Variants in CSMD1 observed in about 807,000 individuals in gnomAD.
CSMD1 encodes the protein CUB and sushi domain-containing protein 1.
In CSMD1, 213 loss-of-function variants were observed where a neutral mutation model predicts 417.5. The observed-to-expected ratio is 0.51, with a 90% CI of 0.46 to 0.57. The LOEUF is 0.57. CSMD1 is among the 20% of genes least tolerant of loss of function. The pLI is 0.00. For missense variants in CSMD1, 6,923 were observed against 4,529.7 expected, an observed-to-expected ratio of 1.53 and a Z score of -15.17; for synonymous variants, 2,862 against 1,736.8, an observed-to-expected ratio of 1.65 and a Z score of -16.11.
intron 5 of CSMD1, among the ~76,000 whole-genome samples, chr8:3,948,112 A>G (rs2129840991): frequency 6.6e-6 from 1 of 152,312 alleles, no homozygotes; most frequent in South Asian, 2.1e-4. Flanking sequence ...AGGATGAGGC[A>G]GGATAACTGC....
At chr8:3,581,056 C>A (rs564981797) in intron 9 of CSMD1, among the ~76,000 whole-genome samples, 1 of 152,256 alleles carries the variant, frequency 6.6e-6, no homozygotes, top group African/African-American at 2.4e-5. Flanking sequence ...TCTTAGAGGG[C>A]TTTTCATCTC....
In CSMD1 at chr8:3,000,080, T is replaced by C. The variant is rs1807265221; in HGVS notation, c.8081A>G (p.Asp2694Gly). Residue 2694 changes from aspartate to glycine, a missense_variant, in exon 53 of 70, where the codon GAT (aspartate) becomes GGT (glycine). Asp to Gly is a moderately conservative substitution (Grantham distance 94, BLOSUM62 -1). Coordinates refer to ENST00000635120, the MANE Select transcript of CSMD1 (RefSeq NM_033225.6). ...CACCGTGTCTCTGTAACTGAAGCCA[T>C]CTCCACTAATGTGACCGTTCACAAT... is the stretch of plus-strand genomic sequence containing the variant. The part of the protein sequence containing the change: ...DPIVNGHISG[D>G]GFSYRDTVVY... 13 of 1,600,368 alleles carry C rather than the reference T, an allele frequency of 8.1e-6. No individual in the cohort carries two copies. The East Asian group carries it at 2.7e-4, about 33-fold the overall frequency.
chr8:3,822,023 C>G (rs1801763787), intron 5 of CSMD1, among the ~76,000 whole-genome samples: 1 of 152,158 alleles, frequency 6.6e-6, no homozygotes, highest in Non-Finnish European at 1.5e-5. Flanking sequence ...CACAGTTCCT[C>G]AGAACACCAT....
At position 2,955,682 on chromosome 8, in the gene CSMD1, T is replaced by A. The variant is rs754668938; in HGVS notation, c.9901A>T (p.Thr3301Ser). The change falls in exon 64 of 70, where the codon ACC becomes TCC. Residue 3301 changes from threonine (T) to serine (S), a missense_variant. Transcript: ENST00000635120. ...GCGAGGAAAAAGCCTGGATGGCAGGTGTACACTAAGGTGTAGCCGAAAGTA... is the reference window on the plus strand; with the variant it reads ...GCGAGGAAAAAGCCTGGATGGCAGGAGTACACTAAGGTGTAGCCGAAAGTA... ...LPTFGYTLVY[T>S]CHPGFFLAGG... 7 of 1,613,848 alleles carry A rather than the reference T, an allele frequency of 4.3e-6. No individual in the cohort carries two copies. In the East Asian group the frequency reaches 1.6e-4, roughly 36 times the overall value.
intron 2 of CSMD1, among the ~76,000 whole-genome samples, chr8:4,578,422 G>A (rs535643289): frequency 2.6e-4 from 36 of 138,316 alleles, no homozygotes; most frequent in African/African-American, 6.8e-4. Flanking sequence ...CTCATGATTC[G>A]CCCACCTCAG....
intron 1 of CSMD1, among the ~76,000 whole-genome samples, chr8:4,650,452 GC>G: frequency 6.6e-6 from 1 of 151,718 alleles, no homozygotes; most frequent in South Asian, 2.1e-4. Context: ...CATTTGTATG[GC>G]CTTTCAACTT....
chr8:4,735,522 G>T (rs551066835), intron 1 of CSMD1, among the ~76,000 whole-genome samples: 47 of 152,248 alleles, frequency 3.1e-4, no homozygotes, highest in Non-Finnish European at 4.4e-5. Flanking sequence ...TACATTAAAG[G>T]TCAGAATAAT....
At chr8:3,464,595 ATTT>A (rs1157176385) in intron 12 of CSMD1, among the ~76,000 whole-genome samples, 4 of 149,710 alleles carry the variant, frequency 2.7e-5, no homozygotes, top group African/African-American at 7.3e-5. Flanking sequence ...TAAATAAATG[ATTT>A]TTAAGTATAT....
chr8:3,297,883 T>G (rs568627174), intron 25 of CSMD1, among the ~76,000 whole-genome samples: 34 of 152,164 alleles, frequency 2.2e-4, no homozygotes, highest in African/African-American at 7.5e-4. Context: ...TCATTGGAAT[T>G]AAAAACCTGT....
At chr8:2,965,566 T>C (rs1048637657) in intron 59 of CSMD1, among the ~76,000 whole-genome samples, 1 of 152,156 alleles carries the variant, frequency 6.6e-6, no homozygotes, top group Admixed American at 6.5e-5. Context: ...CCTAAGCCTT[T>C]TCCTCTACCT....
chr8:3,327,436 A>G (rs1017307729), intron 23 of CSMD1, among the ~76,000 whole-genome samples: 1 of 152,134 alleles, frequency 6.6e-6, no homozygotes, highest in African/African-American at 2.4e-5. Flanking sequence ...TCCGGCCTAC[A>G]ATACTATCTT....
intron 1 of CSMD1, among the ~76,000 whole-genome samples, chr8:4,939,308 C>G (rs1489948690): frequency 6.6e-6 from 1 of 152,104 alleles, no homozygotes; most frequent in Non-Finnish European, 1.5e-5. Flanking sequence ...GGTATGCATC[C>G]AAAGGAGAAG....
chr8:3,652,650 G>A (rs776865941), intron 7 of CSMD1, among the ~76,000 whole-genome samples: 43 of 152,094 alleles, frequency 2.8e-4, no homozygotes, highest in Non-Finnish European at 5.9e-4. Flanking sequence ...ATCAGATCTC[G>A]TGAGACTTAT....
At chr8:3,688,933 T>C (rs1800088287) in intron 7 of CSMD1, among the ~76,000 whole-genome samples, 1 of 151,952 alleles carries the variant, frequency 6.6e-6, no homozygotes, top group Admixed American at 6.6e-5. Context: ...AAAGTGAAAA[T>C]TAAGTAATTA....
chr8:3,295,365 A>G (rs1039684251), intron 25 of CSMD1, among the ~76,000 whole-genome samples: 1 of 151,996 alleles, frequency 6.6e-6, no homozygotes, highest in African/African-American at 2.4e-5. Context: ...TGACCTTGTG[A>G]TCCACCCGCC....
chr8:4,011,458 T>A (rs762894121), intron 4 of CSMD1, among the ~76,000 whole-genome samples: 7 of 152,176 alleles, frequency 4.6e-5, no homozygotes, highest in Non-Finnish European at 1.0e-4. Flanking sequence ...ATGTCCACAT[T>A]TGCGGTCTTT....
At chr8:3,859,817 C>G (rs899587405) in intron 5 of CSMD1, among the ~76,000 whole-genome samples, 1 of 152,166 alleles carries the variant, frequency 6.6e-6, no homozygotes, top group Non-Finnish European at 1.5e-5. Context: ...CCGCAGGGAA[C>G]AGGCAGGAGA....
At chr8:3,296,995 C>G (rs186530208) in intron 25 of CSMD1, among the ~76,000 whole-genome samples, 10 of 152,244 alleles carry the variant, frequency 6.6e-5, no homozygotes, top group Non-Finnish European at 8.8e-5. Flanking sequence ...AACTATAGGA[C>G]TGGATGAAAT....
chr8:4,665,205 T>G (rs564198504), intron 1 of CSMD1, among the ~76,000 whole-genome samples: 2 of 152,180 alleles, frequency 1.3e-5, no homozygotes, highest in Non-Finnish European at 2.9e-5. Context: ...GGCGGCTTCT[T>G]TCAGAGCTCT....
Sources: gnomAD v4.1 joint callset for allele counts (sites outside exome capture counted in the v4.1 genomes callset) on GRCh38, gnomAD v4.1.1 for gene constraint, MANE v1.5 for transcripts, NCBI Gene and HGNC (gene_info 2026-07-23, HGNC 2026-07-21) for gene names.